NBN: variants seen among roughly 807,000 people sequenced by gnomAD.
NBN encodes the protein nibrin.
NBN carries 88 observed loss-of-function variants against 90.8 expected under a neutral mutation model. The observed-to-expected ratio is 0.97, with a 90% confidence interval of 0.82 to 1.16. NBN has a LOEUF of 1.16. Among genes scored for constraint, NBN ranks in the 50% most tolerant of loss-of-function variants. NBN has a pLI of 0.00. For missense variants in NBN, 894 were observed against 869.6 expected (o/e 1.03, Z -0.35); for synonymous variants, 328 against 295.1 (o/e 1.11, Z -1.14).
intron 5 of NBN, among the ~76,000 whole-genome samples, chr8:89,972,352 T>C (rs1811556572): frequency 6.6e-6 from 1 of 152,252 alleles, no homozygotes; most frequent in Non-Finnish European, 1.5e-5. Context: ...AAGTCTGTTT[T>C]AAAGCAATGA....
chr8:89,953,286 G>T lies in NBN; in HGVS notation c.1803C>A (p.Asp601Glu). ...KRPRMDIETN[D>E]TFSDEAVPES... is the part of the protein sequence containing the mutation. ...CTGGTACTGCTTCATCACTGAAAGT[G>T]TCATTTGTTTCTATATCCATCCTTG... Residue 601 changes from aspartate to glutamate, a missense_variant, in exon 11 of 16, where the codon GAC (aspartate) becomes GAA (glutamate). By Grantham distance (45) the Asp-to-Glu change is conservative. Coordinates refer to ENST00000265433, the MANE Select transcript of NBN (RefSeq NM_002485.5). 1 of 1,613,194 alleles carries T rather than the reference G, an allele frequency of 6.2e-7. No individual in the cohort carries two copies. The highest frequency in any genetic ancestry group is 1.1e-5 in the South Asian group (1 of 91,072).
chr8:89,944,210 A>G (rs1038964273), intron 13 of NBN, among the ~76,000 whole-genome samples: 1 of 152,142 alleles, frequency 6.6e-6, no homozygotes, highest in African/African-American at 2.4e-5. Context: ...TTCTTCTCTA[A>G]GCAATTTAGA....
At position 89,970,348 on chromosome 8, in the gene NBN, A is replaced by G; in HGVS notation, c.896+16T>C. On this transcript the variant is annotated intron_variant, in intron 7 of 15. Coordinates refer to ENST00000265433, the MANE Select transcript of NBN (RefSeq NM_002485.5). ...TCCTACTTGCAGTTTTTTACTAATA[A>G]AGAATAATTCTATACCTTTGGAGCA... The G allele has an allele frequency of 6.3e-7, 1 of 1,588,980 alleles. No homozygotes were observed. Among genetic ancestry groups the G allele is most frequent in the Non-Finnish European group, 8.6e-7 (1 of 1,158,468 alleles).
At chr8:89,981,268 G>T in intron 3 of NBN, 107 bp downstream of exon 3, 1 of 1,243,764 alleles carries the variant, frequency 8.0e-7, no homozygotes, top group Non-Finnish European at 1.2e-6. Context: ...TGCTAAGCAG[G>T]AACTAAATTA....
Position 89,957,937 on chromosome 8 carries a change from T to C in NBN, c.1124+788A>G, listed in dbSNP as rs147407932. Among the ~76,000 whole-genome samples, 320 of 152,300 alleles carry C rather than the reference T, an allele frequency of 2.1e-3. 2 individuals are homozygous for C. Among genetic ancestry groups the C allele is most frequent in the African/African-American group, 6.9e-3 (287 of 41,554 alleles). Reference sequence around the variant, plus strand: ...TATTTCTATTATTATTACGTTGTAATATATAATGAAAAAATTATACAACTC... The same window carrying C: ...TATTTCTATTATTATTACGTTGTAACATATAATGAAAAAATTATACAACTC... On this transcript the variant is annotated intron_variant, in intron 9 of 15. Transcript: ENST00000265433.
At chr8:89,959,460 A>T (rs16786) in intron 8 of NBN, among the ~76,000 whole-genome samples, 77,466 of 152,056 alleles carry the variant, frequency 0.51, 22,079 homozygotes, top group African/African-American at 0.77. Flanking sequence ...AATCATTCTA[A>T]TAACAATTCA....
rs1434146100 is a variant in NBN, at chr8:89,970,536, C to A, written c.724G>T (p.Val242Phe). Residue 242 changes from valine (V) to phenylalanine (F), a missense_variant, in exon 7 of 16, where the codon GTT becomes TTT. Val to Phe is a conservative substitution (Grantham distance 50, BLOSUM62 -1). Coordinates refer to ENST00000265433, the MANE Select transcript of NBN (RefSeq NM_002485.5). ...CTAGCTTCCCCACCTCCAAAGACAA[C>A]TGCGGAACTCAATTTCTTATGCTAA... Reference protein sequence around the residue: ...AKQHKKLSSAVVFGGGEARLI... With the variant: ...AKQHKKLSSAFVFGGGEARLI... 1 of 1,613,624 alleles carries A rather than the reference C, an allele frequency of 6.2e-7. No individual in the cohort carries two copies. Among genetic ancestry groups the A allele is most frequent in the Non-Finnish European group, 8.5e-7 (1 of 1,179,708 alleles).
intron 11 of NBN, among the ~76,000 whole-genome samples, chr8:89,948,339 C>T (rs1041836901): frequency 6.6e-6 from 1 of 152,072 alleles, no homozygotes; most frequent in Non-Finnish European, 1.5e-5. Context: ...TCTGTACGAT[C>T]GTGTATTACT....
Position 89,955,384 on chromosome 8 carries a change from T to C in NBN, c.1296A>G (p.Ser432=), listed in dbSNP as rs1554559144. The stretch of plus-strand genomic sequence containing the variant: ...TATTTATACTTGGCAATTTAGTTGG[T>C]GAAAGCTGATAGTTTGGGATTCTCA... ...AKMRIPNYQL[S]PTKLPSINKS... The change falls in exon 10 of 16, where the codon TCA becomes TCG. Residue 432 remains serine, a synonymous_variant. Coordinates refer to ENST00000265433, the MANE Select transcript of NBN (RefSeq NM_002485.5). 6.2e-7 allele frequency: 1 copy of C among 1,613,840 alleles called. No homozygotes were observed. Among genetic ancestry groups the C allele is most frequent in the Non-Finnish European group, 8.5e-7 (1 of 1,179,774 alleles).
Position 89,946,107 on chromosome 8 carries a change from A to G in NBN, c.2070+33T>C, listed in dbSNP as rs4987078. 3,017 of 1,478,850 alleles carry G rather than the reference A, an allele frequency of 2.0e-3. 52 individuals are homozygous for G. In the African/African-American group the frequency reaches 0.038, roughly 19 times the overall value. 91.6% of individuals were successfully genotyped at this position (1,478,850 alleles called of 1,614,324 possible). On this transcript the variant is annotated intron_variant, in intron 13 of 15. Transcript: ENST00000265433. ...TGGTATCTCTAAAAACATTTCAAACACTGACCTCTTGTGATACAGTTGAAA... is the reference window on the plus strand; with the variant it reads ...TGGTATCTCTAAAAACATTTCAAACGCTGACCTCTTGTGATACAGTTGAAA...
At chr8:89,971,075 C>G in intron 6 of NBN, 98 bp downstream of exon 6, 1 of 1,349,400 alleles carries the variant, frequency 7.4e-7, no homozygotes, top group Non-Finnish European at 1.0e-6. Context: ...TACACAAAAT[C>G]CCAAAATGAA....
intron 2 of NBN, 49 bp downstream of exon 2, chr8:89,982,672 TG>T: frequency 4.0e-6 from 6 of 1,493,580 alleles, no homozygotes; most frequent in Admixed American, 1.7e-5. Flanking sequence ...GAATATTTTG[TG>T]ATTTCAACCC....
At chr8:89,968,453 GCC>G (rs1811352813) in intron 7 of NBN, among the ~76,000 whole-genome samples, 1 of 152,108 alleles carries the variant, frequency 6.6e-6, no homozygotes, top group Non-Finnish European at 1.5e-5. Flanking sequence ...CCTGCTCACT[GCC>G]TCTGCTATAT....
At position 89,971,158 on chromosome 8, in the gene NBN, T is replaced by C. The variant is rs900872637; in HGVS notation, c.702+15A>G. 4.4e-6 allele frequency: 7 copies of C among 1,608,440 alleles called. No individual in the cohort carries two copies. In the African/African-American group the frequency reaches 9.4e-5, roughly 22 times the overall value. On this transcript the variant is annotated intron_variant, in intron 6 of 15. Coordinates refer to ENST00000265433, the MANE Select transcript of NBN (RefSeq NM_002485.5). ...AATGTATTCTTTAGGAAAATTTAGC[T>C]TATAACATAATTACCTGTTTGGCAT... is the stretch of plus-strand genomic sequence containing the variant.
chr8:89,966,278 A>G (rs910162790), intron 7 of NBN, among the ~76,000 whole-genome samples: 2 of 152,224 alleles, frequency 1.3e-5, no homozygotes, highest in Non-Finnish European at 2.9e-5. Flanking sequence ...GAATGGAAAC[A>G]TTCCTTATAG....
At position 89,934,218 on chromosome 8, in the gene NBN, T is replaced by C. The variant is rs150060153; in HGVS notation, c.*1364A>G. 1 of 231,592 alleles carries C rather than the reference T, an allele frequency of 4.3e-6. No individual in the cohort carries two copies. Among genetic ancestry groups the C allele is most frequent in the East Asian group, 6.1e-5 (1 of 16,296 alleles). The allele number at this position is 231,592 out of a possible 1,614,324, so 14.3% of individuals were successfully genotyped here. A position where few individuals can be genotyped will look rare whatever the true frequency, so the allele number is the denominator to read the frequency against. ...ACTCAAATGACTCCATTTCATCAAC[T>C]AATATGCCCTGTCAATTCTACTTCT... On this transcript the variant is annotated 3_prime_UTR_variant, in exon 16 of 16. Transcript: ENST00000265433.
At chr8:89,942,885 C>A (rs924190079) in intron 14 of NBN, among the ~76,000 whole-genome samples, 7 of 152,098 alleles carry the variant, frequency 4.6e-5, no homozygotes, top group African/African-American at 1.7e-4. Flanking sequence ...ATTGTTAAAA[C>A]ACAATCCCCA....
chr8:89,944,697 C>T (rs1324198066), intron 13 of NBN, among the ~76,000 whole-genome samples: 1 of 152,160 alleles, frequency 6.6e-6, no homozygotes, highest in Non-Finnish European at 1.5e-5. Context: ...TCAACTTCAG[C>T]CTCCTGAGTA....
intron 5 of NBN, 92 bp from the exon 6 acceptor site, chr8:89,971,382 T>C (rs1690677335): frequency 7.4e-7 from 1 of 1,357,516 alleles, no homozygotes; most frequent in Admixed American, 2.2e-5. Context: ...TCAAAAGGCA[T>C]AATTTCCATA....
Sources: allele counts gnomAD v4.1 joint callset (sites outside exome capture counted in the v4.1 genomes callset), GRCh38; gene constraint gnomAD v4.1.1; transcripts MANE v1.5; gene names NCBI Gene and HGNC (gene_info 2026-07-23, HGNC 2026-07-21).